The following ITGA11 variants were observed in gnomAD, a reference collection of about 807,000 sequenced individuals.
ITGA11 encodes the protein integrin subunit alpha 11, also known as integrin alpha-11.
A neutral mutation model predicts 141.9 loss-of-function variants in ITGA11; 97 were observed. The observed-to-expected ratio is 0.68, with a 90% CI of 0.58 to 0.81. The LOEUF is 0.81. Ranked by LOEUF, ITGA11 falls within the 30% of genes least tolerant of loss-of-function variation. ITGA11 has a pLI of 0.00. For missense variants in ITGA11, 1,387 were observed against 1,559.2 expected (o/e 0.89, Z 1.86); for synonymous variants, 658 against 624.6 (o/e 1.05, Z -0.80).
rs367643724 is a variant in ITGA11, at chr15:68,317,331, G to A, written c.2649C>T (p.Asn883=). Residue 883 remains asparagine, a synonymous_variant, in exon 21 of 30, where the codon AAC becomes AAT. Coordinates refer to ENST00000315757, the MANE Select transcript of ITGA11 (RefSeq NM_001004439.2). ...EDSDGSIECV[N]EERRLQKQVC... is the part of the protein sequence containing the mutation. ...CTTGCTTCTGGAGCCTCCTCTCCTC[G>A]TTCACACACTCAATGCTACCGTCTG... 1.7e-5 allele frequency: 28 copies of A among 1,613,688 alleles called. No individual in the cohort carries two copies. The highest frequency in any genetic ancestry group is 1.6e-4 in the Middle Eastern group (1 of 6,062).
intron 1 of ITGA11, among the ~76,000 whole-genome samples, chr15:68,410,548 T>C (rs1434626975): frequency 6.6e-6 from 1 of 152,162 alleles, no homozygotes; most frequent in Non-Finnish European, 1.5e-5. Context: ...AAACAACCCA[T>C]TCAAAAGTGA....
At chr15:68,369,006 C>T (rs1895508369) in intron 3 of ITGA11, among the ~76,000 whole-genome samples, 178 bp downstream of exon 3, 2 of 152,022 alleles carry the variant, frequency 1.3e-5, no homozygotes, top group South Asian at 4.2e-4. Flanking sequence ...GAAAAGTTGC[C>T]TCCTCTCCCT....
At chr15:68,385,619 T>C (rs551043535) in intron 2 of ITGA11, among the ~76,000 whole-genome samples, 7 of 152,348 alleles carry the variant, frequency 4.6e-5, no homozygotes, top group Admixed American at 4.6e-4. Context: ...TTTGGGTAAA[T>C]ATCATCTACA....
At chr15:68,395,045 T>C (rs1896199073) in intron 2 of ITGA11, among the ~76,000 whole-genome samples, 1 of 151,900 alleles carries the variant, frequency 6.6e-6, no homozygotes. Flanking sequence ...GGGTCTGGAG[T>C]GGACCTCCTG....
chr15:68,368,060 T>C lies in ITGA11; in HGVS notation c.265+1124A>G, dbSNP rs568182090. Among the ~76,000 whole-genome samples, 211 of 152,304 alleles carry C rather than the reference T, an allele frequency of 1.4e-3. No individual in the cohort carries two copies. The Middle Eastern group carries it at 0.024, about 17-fold the overall frequency. Reference sequence around the variant, plus strand: ...TGGACAGCGGGAGCCTCCGGGACCATGTGACAGACAGCTGGCTGCCCTGGG... The same window carrying C: ...TGGACAGCGGGAGCCTCCGGGACCACGTGACAGACAGCTGGCTGCCCTGGG... On this transcript the variant is annotated intron_variant, in intron 3 of 29. Transcript: ENST00000315757.
At chr15:68,340,447 C>A (rs952104158) in intron 10 of ITGA11, among the ~76,000 whole-genome samples, 7 of 152,126 alleles carry the variant, frequency 4.6e-5, no homozygotes, top group African/African-American at 1.7e-4. Flanking sequence ...AGCACGGAAC[C>A]TTTGTTCATA....
rs554757208 is a variant in ITGA11, at chr15:68,335,171, G to A, written c.1425+526C>T. Among the ~76,000 whole-genome samples, 3 of 152,038 alleles carry A rather than the reference G, an allele frequency of 2.0e-5. No homozygotes were observed. The highest frequency in any genetic ancestry group is 2.9e-5 in the Non-Finnish European group (2 of 67,990). ...AGGAGGAGCCCAGGCCTGATTTTGG[G>A]GTTATTTGGGGTCAGGAGGTGGCAT... is the stretch of plus-strand genomic sequence containing the variant. On this transcript the variant is annotated intron_variant, in intron 12 of 29. Coordinates refer to ENST00000315757, the MANE Select transcript of ITGA11 (RefSeq NM_001004439.2). The surrounding 1 kb of genome is among the most constrained non-coding windows in gnomAD (Gnocchi z 4.9).
intron 1 of ITGA11, among the ~76,000 whole-genome samples, chr15:68,421,980 CT>C (rs988846915): frequency 1.3e-5 from 2 of 152,194 alleles, no homozygotes; most frequent in African/African-American, 4.8e-5. Context: ...TGATGTTTGG[CT>C]TGTGGTCTGG....
intron 2 of ITGA11, among the ~76,000 whole-genome samples, chr15:68,373,495 C>T (rs541094858): frequency 1.2e-4 from 18 of 152,336 alleles, no homozygotes; most frequent in African/African-American, 4.1e-4. Context: ...GACCCAGCTT[C>T]CATGCTAAAG....
intron 1 of ITGA11, among the ~76,000 whole-genome samples, chr15:68,422,103 G>C (rs540604284): frequency 2.3e-4 from 35 of 152,290 alleles, no homozygotes; most frequent in Admixed American, 1.0e-3. Context: ...AAGGGGTGGA[G>C]GGATAGAGGC....
Position 68,396,934 on chromosome 15 carries a change from ATAATATATT to A in ITGA11, c.164+5975_164+5983del. Among the ~76,000 whole-genome samples the A allele has an allele frequency of 8.6e-5, 3 of 34,934 alleles. 1 individual carries two copies. In the Admixed American group the frequency reaches 1.8e-3, roughly 21 times the overall value. 22.9% of individuals were successfully genotyped at this position (34,934 alleles called of 152,430 possible). A position where few individuals can be genotyped will look rare whatever the true frequency, so the allele number is the denominator to read the frequency against. ...TTATATATTATTTATTATATAATAT[ATAATATATT>A]ATATATTATTTATTATATAATAAAT... On this transcript the variant is annotated intron_variant, in intron 2 of 29. Transcript: ENST00000315757.
chr15:68,349,077 C>T (rs1595871537), intron 9 of ITGA11, among the ~76,000 whole-genome samples, 177 bp from the exon 10 acceptor site: 1 of 152,236 alleles, frequency 6.6e-6, no homozygotes, highest in South Asian at 2.1e-4. Context: ...CAGCCCTCCC[C>T]AGCACCCTGT....
chr15:68,325,002 G>C lies in ITGA11; in HGVS notation c.2322+129C>G. 1.4e-6 allele frequency: 1 copy of C among 709,784 alleles called. No individual in the cohort carries two copies. The highest frequency in any genetic ancestry group is 2.5e-6 in the Non-Finnish European group (1 of 395,944). 44.0% of individuals were successfully genotyped at this position (709,784 alleles called of 1,614,324 possible). On this transcript the variant is annotated intron_variant, in intron 18 of 29. Transcript: ENST00000315757. The surrounding 1 kb of genome is among the most constrained non-coding windows in gnomAD (Gnocchi z 5.5). ...GCCACACTGTGGGTTTGCCAGGACAGGAGGTGGGAAGGTGAGATGAGGGAT... is the reference window on the plus strand; with the variant it reads ...GCCACACTGTGGGTTTGCCAGGACACGAGGTGGGAAGGTGAGATGAGGGAT...
chr15:68,366,313 G>C (rs1416210054), intron 3 of ITGA11, among the ~76,000 whole-genome samples: 1 of 152,128 alleles, frequency 6.6e-6, no homozygotes, highest in East Asian at 1.9e-4. Context: ...TGAGAACATT[G>C]AGGTGTAGAG....
intron 3 of ITGA11, among the ~76,000 whole-genome samples, chr15:68,366,557 G>A (rs1195682181): frequency 6.6e-6 from 1 of 152,114 alleles, no homozygotes; most frequent in Non-Finnish European, 1.5e-5. Flanking sequence ...TCACCACCCT[G>A]CCCCTCTCCT....
In ITGA11 at chr15:68,307,293, C is replaced by G. The variant is rs904411768; in HGVS notation, c.3381+55G>C. On this transcript the variant is annotated intron_variant, in intron 28 of 29. Transcript: ENST00000315757. This position sits in a 1 kb window ranked among gnomAD's most constrained non-coding sequence, Gnocchi z 6.1. ...AACTCTATAGAGGAGCACGGCCAAC[C>G]CTTTCCCAAGCTGTCCGGCCTAAGC... is the stretch of plus-strand genomic sequence containing the variant. The G allele has an allele frequency of 1.5e-6, 2 of 1,312,862 alleles. No homozygotes were observed. The highest frequency in any genetic ancestry group is 4.0e-5 in the Admixed American group (2 of 50,156). The allele number at this position is 1,312,862 out of a possible 1,614,324, so 81.3% of individuals were successfully genotyped here.
Position 68,361,612 on chromosome 15 carries a change from C to A in ITGA11, c.450G>T (p.Lys150Asn). The change falls in exon 5 of 30, where the codon AAG becomes AAT. Residue 150 changes from lysine to asparagine, a missense_variant. Lys to Asn is a moderately conservative substitution (Grantham distance 94). Transcript: ENST00000315757. ...SRVNSNFRFS[K>N]TVAPALQRCQ... is the part of the protein sequence containing the mutation. ...TACTTTGGAGAGCTGGGGCCACGGTCTTGGAGAACCTGAAGTTGGAGTTGA... is the reference window on the plus strand; with the variant it reads ...TACTTTGGAGAGCTGGGGCCACGGTATTGGAGAACCTGAAGTTGGAGTTGA... 1 of 1,607,990 alleles carries A rather than the reference C, an allele frequency of 6.2e-7. No individual in the cohort carries two copies. Among genetic ancestry groups the A allele is most frequent in the South Asian group, 1.1e-5 (1 of 89,402 alleles).
chr15:68,417,402 A>T (rs1226300333), intron 1 of ITGA11, among the ~76,000 whole-genome samples: 1 of 151,300 alleles, frequency 6.6e-6, no homozygotes, highest in East Asian at 1.9e-4. Flanking sequence ...CAATGTGCCC[A>T]CTCCTCTCTG....
rs545376181 is a variant in ITGA11, at chr15:68,426,580, C to T, written c.52+5435G>A. Among the ~76,000 whole-genome samples the T allele has an allele frequency of 9.2e-5, 14 of 152,268 alleles. No individual in the cohort carries two copies. In the South Asian group the frequency reaches 2.9e-3, roughly 32 times the overall value. On this transcript the variant is annotated intron_variant, in intron 1 of 29. Coordinates refer to ENST00000315757, the MANE Select transcript of ITGA11 (RefSeq NM_001004439.2). ...GTCTAGCTGGGCCTAGAAGCTGGTGCCCCTGTGGGGGTAGCTGTTTGCATA... is the reference window on the plus strand; with the variant it reads ...GTCTAGCTGGGCCTAGAAGCTGGTGTCCCTGTGGGGGTAGCTGTTTGCATA...
Sources: allele counts gnomAD v4.1 joint callset (sites outside exome capture counted in the v4.1 genomes callset), GRCh38; gene constraint gnomAD v4.1.1; non-coding constraint Gnocchi (gnomAD v3.1); transcripts MANE v1.5; gene names NCBI Gene and HGNC (gene_info 2026-07-23, HGNC 2026-07-21).